Variants in SERGEF observed in about 807,000 individuals in gnomAD.
SERGEF encodes secretion-regulating guanine nucleotide exchange factor.
Under a neutral mutation model 50.0 loss-of-function variants are expected in SERGEF, and 51 were observed. The observed-to-expected ratio is 1.02, with a 90% CI of 0.81 to 1.29. The LOEUF (loss-of-function observed/expected upper bound fraction) is 1.29. Ranked by LOEUF, SERGEF falls within the 50% of genes most tolerant of loss-of-function variation. The pLI is 0.00. For synonymous variants in SERGEF, 205 were observed against 212.4 expected (o/e 0.97, Z 0.30); for missense variants, 521 against 557.0 (o/e 0.94, Z 0.65).
intron 10 of SERGEF, among the ~76,000 whole-genome samples, chr11:17,842,491 G>A (rs11828729): frequency 0.016 from 2,388 of 152,184 alleles, 58 homozygotes; most frequent in African/African-American, 0.055. Flanking sequence ...CCATGCATCC[G>A]GTATTCAGTT....
At chr11:17,933,958 T>C (rs1488847842) in intron 9 of SERGEF, among the ~76,000 whole-genome samples, 1 of 152,182 alleles carries the variant, frequency 6.6e-6, no homozygotes, top group Non-Finnish European at 1.5e-5. Context: ...TTTCCTATGA[T>C]GACAGCCACA....
intron 10 of SERGEF, among the ~76,000 whole-genome samples, chr11:17,872,837 T>C (rs755769039): frequency 2.0e-5 from 3 of 152,212 alleles, no homozygotes; most frequent in Admixed American, 6.5e-5. Flanking sequence ...TATACTGATA[T>C]GGAAAGATCT....
intron 9 of SERGEF, among the ~76,000 whole-genome samples, chr11:17,891,787 C>T (rs1851534796): frequency 6.6e-6 from 1 of 152,134 alleles, no homozygotes; most frequent in Non-Finnish European, 1.5e-5. Context: ...TGGTGAGCTA[C>T]TACCCACTAT....
chr11:17,992,443 C>T lies in SERGEF; in HGVS notation c.685+488G>A, dbSNP rs546581342. Among the ~76,000 whole-genome samples the T allele has an allele frequency of 4.6e-5, 7 of 152,270 alleles. No individual in the cohort carries two copies. The East Asian group carries it at 1.4e-3, about 29-fold the overall frequency. The stretch of plus-strand genomic sequence containing the variant: ...AGTATACACAGGTAGAGAGCTTAGA[C>T]AGTTACAATACACACCAAAATAGAT... On this transcript the variant is annotated intron_variant, in intron 7 of 10. Transcript: ENST00000265965.
At chr11:17,870,229 T>G (rs1851113148) in intron 10 of SERGEF, among the ~76,000 whole-genome samples, 1 of 152,220 alleles carries the variant, frequency 6.6e-6, no homozygotes, top group Admixed American at 6.5e-5. Context: ...TAAACCTCTT[T>G]CCTTTATAAA....
chr11:17,914,712 C>T (rs1379429051), intron 9 of SERGEF, among the ~76,000 whole-genome samples: 1 of 152,190 alleles, frequency 6.6e-6, no homozygotes, highest in Non-Finnish European at 1.5e-5. Flanking sequence ...CACTGAGCTC[C>T]CATAACATTT....
intron 8 of SERGEF, among the ~76,000 whole-genome samples, chr11:17,977,797 C>A (rs1168065078): frequency 6.6e-6 from 1 of 152,184 alleles, no homozygotes; most frequent in East Asian, 1.9e-4. Context: ...TGAGGCACAG[C>A]AAAAAGGTGA....
chr11:17,796,129 C>T (rs1043971215), intron 10 of SERGEF, among the ~76,000 whole-genome samples: 3 of 152,032 alleles, frequency 2.0e-5, no homozygotes, highest in East Asian at 1.9e-4. Context: ...ATTTTCATTT[C>T]GTTCAAATAT....
At chr11:17,864,648 G>A (rs563957020) in intron 10 of SERGEF, among the ~76,000 whole-genome samples, 1 of 152,284 alleles carries the variant, frequency 6.6e-6, no homozygotes, top group East Asian at 1.9e-4. Flanking sequence ...CAGTTCCAGG[G>A]CTGAGAAAGG....
At chr11:17,968,760 T>C in intron 8 of SERGEF, among the ~76,000 whole-genome samples, 1 of 147,340 alleles carries the variant, frequency 6.8e-6, no homozygotes. Context: ...TTAAATCTAA[T>C]GAGGGGAAAG....
chr11:17,921,727 G>A (rs566459735), intron 9 of SERGEF, among the ~76,000 whole-genome samples: 1 of 152,308 alleles, frequency 6.6e-6, no homozygotes, highest in South Asian at 2.1e-4. Flanking sequence ...GTTCAGTAAA[G>A]CATGGGGGAA....
At chr11:17,848,804 A>G (rs1427042214) in intron 10 of SERGEF, among the ~76,000 whole-genome samples, 1 of 152,228 alleles carries the variant, frequency 6.6e-6, no homozygotes, top group African/African-American at 2.4e-5. Flanking sequence ...TTAATAAATG[A>G]AAGTGAATGG....
intron 10 of SERGEF, among the ~76,000 whole-genome samples, chr11:17,806,434 G>A (rs1428741880): frequency 2.0e-5 from 3 of 152,164 alleles, no homozygotes; most frequent in Non-Finnish European, 4.4e-5. Flanking sequence ...AGCCAAGAGG[G>A]CAGGAATGTT....
intron 10 of SERGEF, among the ~76,000 whole-genome samples, chr11:17,800,708 A>G (rs116933270): frequency 1.3e-5 from 2 of 152,328 alleles, no homozygotes; most frequent in East Asian, 1.9e-4. Flanking sequence ...GTCCTCCCCA[A>G]TAATGTGGCC....
At chr11:18,000,358 TAGAC>T in intron 5 of SERGEF, 135 bp downstream of exon 5, 1 of 595,128 alleles carries the variant, frequency 1.7e-6, no homozygotes. Context: ...CTGAGGCAGT[TAGAC>T]AGCTTGGGCT....
intron 10 of SERGEF, among the ~76,000 whole-genome samples, chr11:17,815,320 C>T (rs754371259): frequency 5.3e-5 from 8 of 152,008 alleles, no homozygotes; most frequent in East Asian, 3.9e-4. Context: ...CTGACCTGGC[C>T]GGGCATGGTG....
chr11:17,836,620 GC>G (rs748934629), intron 10 of SERGEF, among the ~76,000 whole-genome samples: 1 of 152,134 alleles, frequency 6.6e-6, no homozygotes, highest in Non-Finnish European at 1.5e-5. Flanking sequence ...ACACATCAGT[GC>G]ATATCTCCTA....
intron 10 of SERGEF, among the ~76,000 whole-genome samples, chr11:17,829,861 G>A (rs1382968919): frequency 6.6e-6 from 1 of 152,206 alleles, no homozygotes; most frequent in South Asian, 2.1e-4. Flanking sequence ...GCAGATTTGG[G>A]TAGGTTGAAA....
At chr11:17,885,257 G>A (rs756566820) in intron 9 of SERGEF, among the ~76,000 whole-genome samples, 2 of 151,938 alleles carry the variant, frequency 1.3e-5, no homozygotes, top group Admixed American at 6.6e-5. Context: ...AGTCCTTTTC[G>A]CCTCAGCCTG....
Sources: gnomAD v4.1 joint callset for allele counts (sites outside exome capture counted in the v4.1 genomes callset) on GRCh38, gnomAD v4.1.1 for gene constraint, MANE v1.5 for transcripts, NCBI Gene and HGNC (gene_info 2026-07-23, HGNC 2026-07-21) for gene names.